LMO3: variants seen among roughly 807,000 people sequenced by gnomAD.
LMO3 encodes LIM domain only 3, also known as LIM domain only protein 3.
Under a neutral mutation model 15.8 loss-of-function variants are expected in LMO3, and 2 were observed. The ratio of observed to expected loss-of-function variants is 0.13; its 90% confidence interval spans 0.05 to 0.40. The LOEUF is 0.40. Among genes scored for constraint, LMO3 ranks in the 10% least tolerant of loss-of-function variants. The probability of loss-of-function intolerance (pLI) is 0.99; values close to 1 mark genes in which losing one functional copy is unlikely to be tolerated. For missense variants in LMO3, 86 were observed against 182.2 expected (o/e 0.47, Z 3.04); for synonymous variants, 62 against 63.8 (o/e 0.97, Z 0.13).
intron 2 of LMO3, among the ~76,000 whole-genome samples, chr12:16,572,045 C>T (rs954225097): frequency 1.3e-5 from 2 of 151,828 alleles, no homozygotes; most frequent in Admixed American, 6.6e-5. Flanking sequence ...TAGATGAACT[C>T]CTTTTTGGAA....
chr12:16,563,398 T>C (rs557233753), intron 2 of LMO3, among the ~76,000 whole-genome samples: 7 of 152,336 alleles, frequency 4.6e-5, no homozygotes, highest in Admixed American at 2.6e-4. Flanking sequence ...TATAATGTTA[T>C]CCTTTGGTTT....
chr12:16,567,835 G>C (rs1033515356), intron 2 of LMO3, among the ~76,000 whole-genome samples: 5 of 152,066 alleles, frequency 3.3e-5, no homozygotes, highest in African/African-American at 1.2e-4. Context: ...CAATCAGACA[G>C]AACACCACCA....
chr12:16,549,832 A>G lies in LMO3; in HGVS notation c.*1390T>C, dbSNP rs1224930216. 2 of 152,092 alleles carry G rather than the reference A, an allele frequency of 1.3e-5. No homozygotes were observed. The highest frequency in any genetic ancestry group is 1.5e-5 in the Non-Finnish European group (1 of 67,970). 9.4% of individuals were successfully genotyped at this position (152,092 alleles called of 1,614,324 possible). A position where few individuals can be genotyped will look rare whatever the true frequency, so the allele number is the denominator to read the frequency against. On this transcript the variant is annotated 3_prime_UTR_variant, in exon 4 of 4. Transcript: ENST00000537304. ...ATTGTAATTTAAATAATCATTCTCCATAATTTCTCTTTCTAGAGCTTTCTT... is the reference window on the plus strand; with the variant it reads ...ATTGTAATTTAAATAATCATTCTCCGTAATTTCTCTTTCTAGAGCTTTCTT...
intron 2 of LMO3, among the ~76,000 whole-genome samples, chr12:16,595,424 G>A (rs924179507): frequency 5.3e-5 from 8 of 151,206 alleles, no homozygotes; most frequent in African/African-American, 1.9e-4. Context: ...GTTGTTTGGG[G>A]GCAGTTTTTG....
intron 2 of LMO3, among the ~76,000 whole-genome samples, chr12:16,588,432 TTATAA>T (rs2137596295): frequency 6.6e-6 from 1 of 152,108 alleles, no homozygotes; most frequent in East Asian, 1.9e-4. Context: ...ACCTAAAATT[TTATAA>T]TATAATTCTA....
In LMO3 at chr12:16,559,955, G is replaced by C. The variant is rs1301782623; in HGVS notation, c.332+458C>G. Reference sequence around the variant, plus strand: ...AGGCTGGGTGACAGAACCAGACCTTGTATTTAAAAAAGCAAAAACAAAAAC... The same window carrying C: ...AGGCTGGGTGACAGAACCAGACCTTCTATTTAAAAAAGCAAAAACAAAAAC... On this transcript the variant is annotated intron_variant, in intron 3 of 3. Coordinates refer to ENST00000537304, the MANE Select transcript of LMO3 (RefSeq NM_018640.5). The surrounding 1 kb of genome is among the most constrained non-coding windows in gnomAD (Gnocchi z 4.1). Among the ~76,000 whole-genome samples, 2 of 151,826 alleles carry C rather than the reference G, an allele frequency of 1.3e-5. No individual in the cohort carries two copies. Among genetic ancestry groups the C allele is most frequent in the Non-Finnish European group, 2.9e-5 (2 of 67,952 alleles).
intron 3 of LMO3, among the ~76,000 whole-genome samples, chr12:16,557,880 T>C (rs896920808): frequency 8.5e-5 from 13 of 152,072 alleles, no homozygotes; most frequent in Admixed American, 3.9e-4. Context: ...TCTGAATCTC[T>C]TCTCACTATA....
intron 2 of LMO3, chr12:16,600,208 T>G (rs958590707): frequency 6.4e-6 from 1 of 155,128 alleles, no homozygotes; most frequent in African/African-American, 2.4e-5. Context: ...CAAGTTGAAC[T>G]TTTTAAAAAT....
At position 16,580,161 on chromosome 12, in the gene LMO3, T is replaced by G. The variant is rs576622424; in HGVS notation, c.207-19623A>C. On this transcript the variant is annotated intron_variant, in intron 2 of 3. Transcript: ENST00000537304. The stretch of plus-strand genomic sequence containing the variant: ...TTTATTTTTTAATAGAGATGGGATC[T>G]CTCTATGTTGCCCAGGCTGGCCTCC... Among the ~76,000 whole-genome samples the G allele has an allele frequency of 1.2e-4, 19 of 152,298 alleles. 1 individual carries two copies. The highest frequency in any genetic ancestry group is 3.4e-3 in the Middle Eastern group (1 of 294).
At chr12:16,605,971 GA>G (rs926030586) in intron 1 of LMO3, 94 bp downstream of exon 1, 15 of 711,640 alleles carry the variant, frequency 2.1e-5, no homozygotes, top group Non-Finnish European at 2.8e-5. Flanking sequence ...GGTTGGGGAA[GA>G]AAAAAATACC....
intron 2 of LMO3, among the ~76,000 whole-genome samples, chr12:16,565,896 G>A (rs144590867): frequency 0.024 from 3,597 of 147,928 alleles, 145 homozygotes; most frequent in African/African-American, 0.085. Context: ...CTGCACTCTC[G>A]TGTTTATTAC....
intron 3 of LMO3, among the ~76,000 whole-genome samples, chr12:16,554,038 G>A (rs1283049881): frequency 1.3e-5 from 2 of 152,050 alleles, no homozygotes; most frequent in African/African-American, 4.8e-5. Flanking sequence ...ATTATGGTAA[G>A]GAATAAGAAG....
rs2137229688 is a variant in LMO3, at chr12:16,549,269, A to G, written c.*1953T>C. ...AGTGTAAGGCTCTAAGGCTAAAATA[A>G]TAGTTATTTTTGTGGGCCCCAAATA... On this transcript the variant is annotated 3_prime_UTR_variant, in exon 4 of 4. Coordinates refer to ENST00000537304, the MANE Select transcript of LMO3 (RefSeq NM_018640.5). 1 of 152,248 alleles carries G rather than the reference A, an allele frequency of 6.6e-6. No individual in the cohort carries two copies. Among genetic ancestry groups the G allele is most frequent in the Non-Finnish European group, 1.5e-5 (1 of 67,996 alleles). 9.4% of individuals were successfully genotyped at this position (152,248 alleles called of 1,614,324 possible).
intron 1 of LMO3, chr12:16,605,011 G>T: frequency 4.4e-6 from 7 of 1,578,716 alleles, no homozygotes; most frequent in East Asian, 2.2e-5. Context: ...AGCCTACACC[G>T]CCGAGGACCG....
In LMO3 at chr12:16,550,580, C is replaced by A. The variant is rs934160677; in HGVS notation, c.*642G>T. On this transcript the variant is annotated 3_prime_UTR_variant, in exon 4 of 4. Coordinates refer to ENST00000537304, the MANE Select transcript of LMO3 (RefSeq NM_018640.5). The stretch of plus-strand genomic sequence containing the variant: ...GTATTTTTTTAAAGCTGATTTTTAA[C>A]CCCCTGAAAATAGGGGGTTATAACA... 11 of 152,182 alleles carry A rather than the reference C, an allele frequency of 7.2e-5. No homozygotes were observed. The highest frequency in any genetic ancestry group is 7.2e-4 in the Admixed American group (11 of 15,240). 9.4% of individuals were successfully genotyped at this position (152,182 alleles called of 1,614,324 possible).
chr12:16,587,018 A>G lies in LMO3; in HGVS notation c.206+13637T>C. Among the ~76,000 whole-genome samples the G allele has an allele frequency of 6.6e-6, 1 of 152,200 alleles. No individual in the cohort carries two copies. Among genetic ancestry groups the G allele is most frequent in the African/African-American group, 2.4e-5 (1 of 41,446 alleles). On this transcript the variant is annotated intron_variant, in intron 2 of 3. Coordinates refer to ENST00000537304, the MANE Select transcript of LMO3 (RefSeq NM_018640.5). The surrounding 1 kb of genome is among the most constrained non-coding windows in gnomAD (Gnocchi z 4.3). ...TTCTGTACTCCTCTAAAAATCCAAC[A>G]TATCTCGTCACATCTCATATTTGGT...
intron 2 of LMO3, among the ~76,000 whole-genome samples, chr12:16,575,401 T>C (rs1204312778): frequency 6.6e-6 from 1 of 152,202 alleles, no homozygotes; most frequent in African/African-American, 2.4e-5. Flanking sequence ...AGTCCAAAGA[T>C]TTCCCTTTGC....
At chr12:16,556,574 G>C (rs1473308110) in intron 3 of LMO3, among the ~76,000 whole-genome samples, 1 of 152,160 alleles carries the variant, frequency 6.6e-6, no homozygotes, top group Non-Finnish European at 1.5e-5. Context: ...AACTTTAGAC[G>C]TCAATAAAGT....
rs1377733699 is a variant in LMO3, at chr12:16,576,207, T to C, written c.207-15669A>G. On this transcript the variant is annotated intron_variant, in intron 2 of 3. Transcript: ENST00000537304. This position sits in a 1 kb window ranked among gnomAD's most constrained non-coding sequence, Gnocchi z 4.1. ...CTTTCTATAACACAGCTCCAACCCA[T>C]TGATCCTGCTTATAACCTTCCATAG... 6.6e-6 allele frequency among the ~76,000 whole-genome samples: 1 copy of C among 152,140 alleles called. No homozygotes were observed. Among genetic ancestry groups the C allele is most frequent in the Non-Finnish European group, 1.5e-5 (1 of 68,022 alleles).
Sources: allele counts gnomAD v4.1 joint callset (sites outside exome capture counted in the v4.1 genomes callset), GRCh38; gene constraint gnomAD v4.1.1; non-coding constraint Gnocchi (gnomAD v3.1); transcripts MANE v1.5; gene names NCBI Gene and HGNC (gene_info 2026-07-23, HGNC 2026-07-21).